The following PTGIS variants were observed in gnomAD, a reference collection of about 807,000 sequenced individuals.
The protein encoded by PTGIS is prostacyclin synthase.
A neutral mutation model predicts 50.3 loss-of-function variants in PTGIS; 45 were observed. That is an observed-to-expected ratio of 0.90 (90% CI 0.70 to 1.15). The LOEUF is 1.15. Among genes scored for constraint, PTGIS ranks in the 50% most tolerant of loss-of-function variants. PTGIS has a pLI of 0.00. For missense variants in PTGIS, 668 were observed against 661.3 expected, an observed-to-expected ratio of 1.01 and a Z score of -0.11; for synonymous variants, 260 against 267.7, an observed-to-expected ratio of 0.97 and a Z score of 0.28.
Position 49,515,303 on chromosome 20 carries a change from C to T in PTGIS, c.856-908G>A, listed in dbSNP as rs367680559. Among the ~76,000 whole-genome samples the T allele has an allele frequency of 6.6e-5, 10 of 152,330 alleles. No individual in the cohort carries two copies. In the South Asian group the frequency reaches 1.0e-3, roughly 16 times the overall value. On this transcript the variant is annotated intron_variant, in intron 6 of 9. Transcript: ENST00000244043. Reference sequence around the variant, plus strand: ...AAGCTATGAATAAAAATTATTTAAACTTCCCAATAGATAAACACTTAGGAA... The same window carrying T: ...AAGCTATGAATAAAAATTATTTAAATTTCCCAATAGATAAACACTTAGGAA...
chr20:49,550,913 T>C (rs1982490967), intron 1 of PTGIS, among the ~76,000 whole-genome samples: 1 of 152,180 alleles, frequency 6.6e-6, no homozygotes, highest in African/African-American at 2.4e-5. Context: ...TTGTAGATGG[T>C]AAAGTGCAGG....
At chr20:49,559,603 A>ACGTT (rs1982713588) in intron 1 of PTGIS, among the ~76,000 whole-genome samples, 1 of 152,224 alleles carries the variant, frequency 6.6e-6, no homozygotes, top group African/African-American at 2.4e-5. Context: ...ATGCCACGAA[A>ACGTT]CGTTACTCAG....
At chr20:49,523,486 C>CAAAAACA (rs542802447) in intron 6 of PTGIS, among the ~76,000 whole-genome samples, 9 of 151,290 alleles carry the variant, frequency 5.9e-5, no homozygotes, top group Non-Finnish European at 1.0e-4. Flanking sequence ...TAAAAAAAAA[C>CAAAAACA]AAAAACAAAA....
intron 1 of PTGIS, among the ~76,000 whole-genome samples, chr20:49,560,320 C>T (rs1383788421): frequency 3.3e-5 from 5 of 152,190 alleles, no homozygotes; most frequent in African/African-American, 1.2e-4. Flanking sequence ...CAGCCTCAGC[C>T]TCCCGAGTAG....
chr20:49,551,210 A>AAAAAT (rs1982499277), intron 1 of PTGIS, among the ~76,000 whole-genome samples: 1 of 152,200 alleles, frequency 6.6e-6, no homozygotes, highest in East Asian at 1.9e-4. Flanking sequence ...CCGTCTCAAA[A>AAAAAT]AAAATAAAAT....
chr20:49,507,914 C>T lies in PTGIS; in HGVS notation c.*6G>A. The T allele has an allele frequency of 6.2e-7, 1 of 1,611,116 alleles. No homozygotes were observed. The highest frequency in any genetic ancestry group is 8.5e-7 in the Non-Finnish European group (1 of 1,180,010). On this transcript the variant is annotated 3_prime_UTR_variant, in exon 10 of 10. Coordinates refer to ENST00000244043, the MANE Select transcript of PTGIS (RefSeq NM_000961.4). ...GGCGAGCACGTGGATCCATCTGCTC[C>T]CTGTGTCATGGGCGGATGCGGTAGC...
At position 49,521,822 on chromosome 20, in the gene PTGIS, G is replaced by A. The variant is rs150660754; in HGVS notation, c.855+2236C>T. ...GATCAGGAGAGAGGGCAGGAACCAG[G>A]CCTGGAGCTGTGCAGCATGGAAGGC... On this transcript the variant is annotated intron_variant, in intron 6 of 9. Coordinates refer to ENST00000244043, the MANE Select transcript of PTGIS (RefSeq NM_000961.4). Among the ~76,000 whole-genome samples, 1,019 of 152,240 alleles carry A rather than the reference G, an allele frequency of 6.7e-3. 8 individuals are homozygous for A. Among genetic ancestry groups the A allele is most frequent in the Middle Eastern group, 0.017 (5 of 294 alleles).
intron 5 of PTGIS, among the ~76,000 whole-genome samples, chr20:49,537,962 A>C (rs576165536): frequency 6.6e-6 from 1 of 152,062 alleles, no homozygotes; most frequent in East Asian, 1.9e-4. Context: ...AATAAAAAGA[A>C]CAAGCTGTTG....
At chr20:49,542,098 AAGAG>A (rs1246010357) in intron 4 of PTGIS, among the ~76,000 whole-genome samples, 4 of 152,178 alleles carry the variant, frequency 2.6e-5, no homozygotes, top group Non-Finnish European at 2.9e-5. Flanking sequence ...AAAGGCCACA[AAGAG>A]AGAGCGTGCC....
At chr20:49,536,000 T>C (rs569574152) in intron 5 of PTGIS, among the ~76,000 whole-genome samples, 14 of 152,368 alleles carry the variant, frequency 9.2e-5, no homozygotes, top group African/African-American at 3.1e-4. Context: ...TCTTGTTTAA[T>C]TGCATCAGCT....
chr20:49,559,814 G>C (rs748928558), intron 1 of PTGIS, among the ~76,000 whole-genome samples: 10 of 152,110 alleles, frequency 6.6e-5, no homozygotes, highest in Middle Eastern at 6.3e-3. Flanking sequence ...AATGGGGAGT[G>C]ACTGCTAATG....
intron 1 of PTGIS, 130 bp downstream of exon 1, chr20:49,567,913 T>G (rs1982943957): frequency 4.7e-6 from 4 of 843,500 alleles, no homozygotes; most frequent in Non-Finnish European, 4.9e-6. Context: ...CCTCCGAGGG[T>G]CTCGCCTTGC....
intron 1 of PTGIS, among the ~76,000 whole-genome samples, chr20:49,550,777 A>C (rs1982487087): frequency 1.3e-5 from 2 of 152,214 alleles, no homozygotes; most frequent in South Asian, 4.1e-4. Flanking sequence ...TTTCTGGAGT[A>C]TTACTTGCTT....
chr20:49,559,764 G>T (rs1221883814), intron 1 of PTGIS, among the ~76,000 whole-genome samples: 1 of 152,146 alleles, frequency 6.6e-6, no homozygotes, highest in Non-Finnish European at 1.5e-5. Context: ...AATAGAGATA[G>T]AAAGTACATT....
rs1002571093 is a variant in PTGIS, at chr20:49,539,428, C to T, written c.673+142G>A. 2.2e-5 allele frequency: 23 copies of T among 1,031,332 alleles called. No homozygotes were observed. In the African/African-American group the frequency reaches 3.4e-4, roughly 15 times the overall value. The allele number at this position is 1,031,332 out of a possible 1,614,324, so 63.9% of individuals were successfully genotyped here. On this transcript the variant is annotated intron_variant, in intron 5 of 9. Transcript: ENST00000244043. Reference sequence around the variant, plus strand: ...CCCACCATTGCGCTCTTGCATACCCCCAGTGATGGGGATCTTACTGCCTCC... The same window carrying T: ...CCCACCATTGCGCTCTTGCATACCCTCAGTGATGGGGATCTTACTGCCTCC...
chr20:49,524,591 A>G (rs1405996456), intron 5 of PTGIS, among the ~76,000 whole-genome samples: 1 of 152,306 alleles, frequency 6.6e-6, no homozygotes, highest in East Asian at 1.9e-4. Flanking sequence ...ACAAAGACAT[A>G]CTTGAGACTG....
At chr20:49,556,625 C>G (rs1225749115) in intron 1 of PTGIS, among the ~76,000 whole-genome samples, 1 of 152,120 alleles carries the variant, frequency 6.6e-6, no homozygotes, top group East Asian at 1.9e-4. Context: ...ATAATCAAGC[C>G]AAGTATAATA....
intron 4 of PTGIS, among the ~76,000 whole-genome samples, chr20:49,542,264 C>T (rs1016283404): frequency 3.3e-5 from 5 of 152,142 alleles, no homozygotes; most frequent in Admixed American, 1.3e-4. Flanking sequence ...CCTCACAGTT[C>T]GGGCTGCCTG....
chr20:49,528,316 A>C (rs1369117637), intron 5 of PTGIS, among the ~76,000 whole-genome samples: 7 of 152,000 alleles, frequency 4.6e-5, no homozygotes, highest in Non-Finnish European at 7.4e-5. Context: ...ACACAGGATA[A>C]AAATATAGCA....
Sources: gnomAD v4.1 joint callset for allele counts (sites outside exome capture counted in the v4.1 genomes callset) on GRCh38, gnomAD v4.1.1 for gene constraint, MANE v1.5 for transcripts, NCBI Gene and HGNC (gene_info 2026-07-23, HGNC 2026-07-21) for gene names.